Variants in GK5 observed in about 807,000 individuals in gnomAD.
GK5 encodes the protein glycerol kinase 5, also known as ATP:glycerol 3-phosphotransferase 5.
In GK5, 39 loss-of-function variants were observed where a neutral mutation model predicts 77.3. The observed-to-expected ratio is 0.50, with a 90% CI of 0.39 to 0.66. GK5 has a LOEUF of 0.66. Ranked by LOEUF, GK5 falls within the 30% of genes least tolerant of loss-of-function variation. The probability of loss-of-function intolerance (pLI) is 0.00; values close to 1 mark genes in which losing one functional copy is unlikely to be tolerated. For missense variants in GK5, 487 were observed against 633.8 expected, an observed-to-expected ratio of 0.77 and a Z score of 2.49; for synonymous variants, 211 against 208.0, an observed-to-expected ratio of 1.01 and a Z score of -0.13.
intron 9 of GK5, chr3:142,184,688 T>C (rs1026605331): frequency 5.1e-5 from 9 of 176,290 alleles, no homozygotes; most frequent in Non-Finnish European, 7.8e-5. Flanking sequence ...ATACAAAAAT[T>C]AGTCAAGCAT....
rs999727433 is a variant in GK5, at chr3:142,225,577, G to A, written c.-122C>T. 6 of 1,280,204 alleles carry A rather than the reference G, an allele frequency of 4.7e-6. No homozygotes were observed. Among genetic ancestry groups the A allele is most frequent in the Admixed American group, 3.1e-5 (1 of 32,596 alleles). The allele number at this position is 1,280,204 out of a possible 1,614,324, so 79.3% of individuals were successfully genotyped here. ...CAACCCGGCTCAGCCGGAGAGCCTA[G>A]AGAGGCCTGGCCCCTGCCGCCGGCT... On this transcript the variant is annotated 5_prime_UTR_variant, in exon 1 of 16. Coordinates refer to ENST00000392993, the MANE Select transcript of GK5 (RefSeq NM_001039547.3).
rs554639753 is a variant in GK5 at position 142,193,425 on chromosome 3, T to G, written c.543+5377A>C. Among the ~76,000 whole-genome samples, 5 of 151,982 alleles carry G rather than the reference T, an allele frequency of 3.3e-5. No individual in the cohort carries two copies. The South Asian group carries it at 8.3e-4, about 25-fold the overall frequency. On this transcript the variant is annotated intron_variant, in intron 5 of 15. Transcript: ENST00000392993. ...CATACTGTTCCTTTTTCAAGATTCT[T>G]TTGCTAATCTGGGTTCCTCAAATTT...
At chr3:142,194,436 G>C (rs1417842278) in intron 5 of GK5, among the ~76,000 whole-genome samples, 2 of 151,758 alleles carry the variant, frequency 1.3e-5, no homozygotes, top group East Asian at 3.9e-4. Flanking sequence ...TGAGGCAGGA[G>C]AATCACTTGA....
Position 142,181,529 on chromosome 3 carries a change from T to C in GK5, c.980A>G (p.Glu327Gly), listed in dbSNP as rs2063697258. ...YPLIGWKIGQ[E>G]VVCLAESNAG... ...ATTGCTTTCAGCTAAGCATACGACT[T>C]CTTGCCCAATCTTCCACCCAATTAA... The change falls in exon 11 of 16, where the codon GAA (glutamate) becomes GGA (glycine). Residue 327 changes from glutamate to glycine, a missense_variant. Physicochemically the swap from Glu to Gly is moderately conservative, Grantham distance 98. Around this residue, in one of 4 missense-constraint regions of GK5, gnomAD observed 323 missense variants for 437.4 expected, o/e 0.74. Transcript: ENST00000392993. The C allele has an allele frequency of 6.2e-7, 1 of 1,613,638 alleles. No homozygotes were observed. The highest frequency in any genetic ancestry group is 8.5e-7 in the Non-Finnish European group (1 of 1,179,744).
rs1405370970 is a variant in GK5 at position 142,198,847 on chromosome 3, C to T, written c.498G>A (p.Gln166=). 8.1e-6 allele frequency: 13 copies of T among 1,613,234 alleles called. No homozygotes were observed. In the East Asian group the frequency reaches 2.7e-4, roughly 33 times the overall value. The change falls in exon 5 of 16, where the codon CAG becomes CAA. Residue 166 remains glutamine, a synonymous_variant. Transcript: ENST00000392993. The stretch of plus-strand genomic sequence containing the variant: ...TCCAGACCAATCTCAAAGAAGTCTG[C>T]TGGGTTGTGAAAGTGAACAAACTGG... The part of the protein sequence containing the change: ...FTASLFTFTT[Q]QTSLRLVWIL...
intron 11 of GK5, among the ~76,000 whole-genome samples, chr3:142,181,211 A>G (rs537844391): frequency 7.0e-4 from 107 of 152,314 alleles, no homozygotes; most frequent in African/African-American, 2.5e-3. Context: ...CTTATGGCAT[A>G]TCTCTCCTTA....
chr3:142,187,648 C>A, intron 6 of GK5, 56 bp downstream of exon 6: 1 of 1,244,958 alleles, frequency 8.0e-7, no homozygotes. Context: ...TTAGGCAAAT[C>A]ATTTCTCTTG....
chr3:142,164,449 T>A lies in GK5; in HGVS notation c.*1173A>T, dbSNP rs908088030. On this transcript the variant is annotated 3_prime_UTR_variant, in exon 16 of 16. Coordinates refer to ENST00000392993, the MANE Select transcript of GK5 (RefSeq NM_001039547.3). ...GCCTTAGGACAATTCTACATCCAGC[T>A]TGACACTACTCACGACTTACTCCTC... 6.6e-6 allele frequency: 1 copy of A among 152,192 alleles called. No homozygotes were observed. The highest frequency in any genetic ancestry group is 1.5e-5 in the Non-Finnish European group (1 of 68,026). 9.4% of individuals were successfully genotyped at this position (152,192 alleles called of 1,614,324 possible).
At position 142,176,736 on chromosome 3, in the gene GK5, A is replaced by C. The variant is rs184607342; in HGVS notation, c.1143+746T>G. ...CTGGAGTGCAGTGGCATCTCGGCTC[A>C]CTGCAACCTCCACCTCCCAGGTTCA... On this transcript the variant is annotated intron_variant, in intron 12 of 15. Transcript: ENST00000392993. 7.1e-3 allele frequency among the ~76,000 whole-genome samples: 935 copies of C among 131,850 alleles called. 9 individuals are homozygous for C. Among genetic ancestry groups the C allele is most frequent in the African/African-American group, 0.026 (868 of 33,490 alleles). The allele number at this position is 131,850 out of a possible 152,430, so 86.5% of individuals were successfully genotyped here.
chr3:142,206,233 G>A (rs2064104723), intron 3 of GK5, among the ~76,000 whole-genome samples: 1 of 152,164 alleles, frequency 6.6e-6, no homozygotes, highest in Non-Finnish European at 1.5e-5. Context: ...TTGTTGTGAA[G>A]TATCTGTTTG....
At chr3:142,207,727 C>T (rs956226700) in intron 3 of GK5, among the ~76,000 whole-genome samples, 2 of 152,182 alleles carry the variant, frequency 1.3e-5, no homozygotes, top group Non-Finnish European at 2.9e-5. Context: ...GCGGTGACCC[C>T]CCTGGACCCA....
At chr3:142,217,896 T>C (rs1333947671) in intron 1 of GK5, among the ~76,000 whole-genome samples, 1 of 152,098 alleles carries the variant, frequency 6.6e-6, no homozygotes, top group African/African-American at 2.4e-5. Context: ...AAAATCCCAA[T>C]AGTATTTTTT....
chr3:142,193,496 A>C (rs75216462), intron 5 of GK5, among the ~76,000 whole-genome samples: 7 of 150,960 alleles, frequency 4.6e-5, no homozygotes, highest in Admixed American at 6.6e-5. Flanking sequence ...AAAAAAAAAA[A>C]CAAAAAAAAA....
chr3:142,219,079 G>T (rs1381845445), intron 1 of GK5, among the ~76,000 whole-genome samples: 2 of 152,220 alleles, frequency 1.3e-5, no homozygotes, highest in Non-Finnish European at 2.9e-5. Flanking sequence ...TGATGAGGAT[G>T]TGGAACAACT....
chr3:142,204,008 A>AG (rs1269439886), intron 4 of GK5, among the ~76,000 whole-genome samples: 1 of 152,120 alleles, frequency 6.6e-6, no homozygotes, highest in African/African-American at 2.4e-5. Context: ...CCTACTATGT[A>AG]TCAGGCATAA....
At chr3:142,167,057 A>C (rs1281571113) in intron 15 of GK5, among the ~76,000 whole-genome samples, 1 of 152,152 alleles carries the variant, frequency 6.6e-6, no homozygotes, top group East Asian at 1.9e-4. Flanking sequence ...TACAGTCAAC[A>C]TTTTAGACCA....
intron 2 of GK5, among the ~76,000 whole-genome samples, chr3:142,214,057 C>T (rs1170589134): frequency 1.3e-5 from 2 of 152,172 alleles, no homozygotes; most frequent in South Asian, 2.1e-4. Flanking sequence ...CTCCTGACCT[C>T]GGGTGATCCG....
At chr3:142,202,812 C>T (rs1424553190) in intron 4 of GK5, among the ~76,000 whole-genome samples, 1 of 152,066 alleles carries the variant, frequency 6.6e-6, no homozygotes, top group Non-Finnish European at 1.5e-5. Flanking sequence ...CAAAAATTAG[C>T]CAGGCATGGC....
At chr3:142,200,115 A>G (rs1307801457) in intron 4 of GK5, among the ~76,000 whole-genome samples, 1 of 151,872 alleles carries the variant, frequency 6.6e-6, no homozygotes, top group Admixed American at 6.6e-5. Flanking sequence ...ACACACACAC[A>G]CACACAAACA....
Sources: allele counts gnomAD v4.1 joint callset (sites outside exome capture counted in the v4.1 genomes callset), GRCh38; gene constraint gnomAD v4.1.1; regional missense constraint gnomAD v4.1.1; transcripts MANE v1.5; gene names NCBI Gene and HGNC (gene_info 2026-07-23, HGNC 2026-07-21).